The following BCHE variants were observed in gnomAD, a reference collection of about 807,000 sequenced individuals.
The protein encoded by BCHE is butyrylcholinesterase.
BCHE carries 48 observed loss-of-function variants against 51.3 expected under a neutral mutation model. The observed-to-expected ratio is 0.94, with a 90% CI of 0.74 to 1.19. The LOEUF is 1.19. Ranked by LOEUF, BCHE falls within the 50% of genes most tolerant of loss-of-function variation. The pLI is 0.00. For missense variants in BCHE, 847 were observed against 708.2 expected (o/e 1.20, Z -2.23); for synonymous variants, 251 against 238.0 (o/e 1.05, Z -0.50).
chr3:165,836,887 T>G (rs1460167256), intron 1 of BCHE, among the ~76,000 whole-genome samples: 1 of 152,072 alleles, frequency 6.6e-6, no homozygotes, highest in Non-Finnish European at 1.5e-5. Context: ...GTAAGTTAAC[T>G]ACTAACTTTA....
chr3:165,827,432 CTTATTAA>C (rs1714767735), intron 2 of BCHE, among the ~76,000 whole-genome samples: 1 of 150,732 alleles, frequency 6.6e-6, no homozygotes, highest in African/African-American at 2.4e-5. Context: ...ATTAAATAAC[CTTATTAA>C]TTAATTAATA....
chr3:165,801,662 T>C (rs1713653123), intron 2 of BCHE, among the ~76,000 whole-genome samples: 2 of 152,200 alleles, frequency 1.3e-5, no homozygotes, highest in African/African-American at 4.8e-5. Context: ...GAAGTATTCC[T>C]GCCAATAGTA....
At chr3:165,809,496 T>C (rs910892354) in intron 2 of BCHE, among the ~76,000 whole-genome samples, 12 of 152,196 alleles carry the variant, frequency 7.9e-5, no homozygotes, top group Admixed American at 2.0e-4. Context: ...AATGAGCAGA[T>C]TTTAAATTTT....
intron 2 of BCHE, among the ~76,000 whole-genome samples, chr3:165,826,517 G>A (rs1334142122): frequency 2.0e-5 from 3 of 151,960 alleles, no homozygotes; most frequent in East Asian, 1.9e-4. Flanking sequence ...AAGAGGTGGG[G>A]GGGGACTTTA....
chr3:165,806,018 G>A (rs974313056), intron 2 of BCHE, among the ~76,000 whole-genome samples: 2 of 151,930 alleles, frequency 1.3e-5, no homozygotes, highest in African/African-American at 4.8e-5. Context: ...CCTGGAACAC[G>A]ACCATGTGTC....
At chr3:165,832,352 G>C (rs1305683270) in intron 1 of BCHE, among the ~76,000 whole-genome samples, 1 of 152,112 alleles carries the variant, frequency 6.6e-6, no homozygotes, top group Non-Finnish European at 1.5e-5. Flanking sequence ...GAGTGCAGTG[G>C]TGTGATCTCG....
intron 2 of BCHE, among the ~76,000 whole-genome samples, chr3:165,800,447 T>C (rs1713594282): frequency 6.6e-6 from 1 of 152,122 alleles, no homozygotes; most frequent in Non-Finnish European, 1.5e-5. Context: ...TATGTCTTTA[T>C]TAATACCAAA....
chr3:165,773,895 T>C (rs1465869141), intron 3 of BCHE, among the ~76,000 whole-genome samples: 1 of 152,078 alleles, frequency 6.6e-6, no homozygotes, highest in African/African-American at 2.4e-5. Flanking sequence ...TTTACATATA[T>C]AGTTATATAA....
intron 2 of BCHE, among the ~76,000 whole-genome samples, chr3:165,801,290 C>T (rs548520524): frequency 2.6e-5 from 4 of 152,096 alleles, no homozygotes; most frequent in Non-Finnish European, 4.4e-5. Flanking sequence ...TAATGAAAAC[C>T]GCAAGGATAA....
At chr3:165,832,511 C>T (rs1297492469) in intron 1 of BCHE, among the ~76,000 whole-genome samples, 1 of 151,968 alleles carries the variant, frequency 6.6e-6, no homozygotes, top group Non-Finnish European at 1.5e-5. Flanking sequence ...AGGCTGGTCT[C>T]GAACTCCTGA....
chr3:165,793,368 A>C (rs1367192366), intron 2 of BCHE, among the ~76,000 whole-genome samples: 1 of 152,132 alleles, frequency 6.6e-6, no homozygotes. Context: ...TTGGGAACCA[A>C]ACTGAAGTAG....
intron 2 of BCHE, among the ~76,000 whole-genome samples, chr3:165,815,030 T>C (rs1272894852): frequency 6.7e-6 from 1 of 149,110 alleles, no homozygotes; most frequent in Admixed American, 6.7e-5. Context: ...CATACCAATA[T>C]ATGTTAGTAT....
At chr3:165,817,828 C>T (rs1714368457) in intron 2 of BCHE, among the ~76,000 whole-genome samples, 1 of 151,908 alleles carries the variant, frequency 6.6e-6, no homozygotes, top group Non-Finnish European at 1.5e-5. Context: ...CAGCAGTAAA[C>T]ACAACATAAA....
rs539237324 is a variant in BCHE, at chr3:165,797,188, C to T, written c.1518-10877G>A. Among the ~76,000 whole-genome samples, 44 of 106,938 alleles carry T rather than the reference C, an allele frequency of 4.1e-4. 1 individual carries two copies. The highest frequency in any genetic ancestry group is 7.4e-4 in the Non-Finnish European group (38 of 51,498). 70.2% of individuals were successfully genotyped at this position (106,938 alleles called of 152,430 possible). A position where few individuals can be genotyped will look rare whatever the true frequency, so the allele number is the denominator to read the frequency against. ...CCCTCCCTTCCTTCCTTCCCTCCTTCGTTCTTCCCTCCCTTCCTTCCTTCC... is the reference window on the plus strand; with the variant it reads ...CCCTCCCTTCCTTCCTTCCCTCCTTTGTTCTTCCCTCCCTTCCTTCCTTCC... On this transcript the variant is annotated intron_variant, in intron 2 of 3. Transcript: ENST00000264381.
chr3:165,826,414 A>G (rs1455474748), intron 2 of BCHE, among the ~76,000 whole-genome samples: 4 of 152,156 alleles, frequency 2.6e-5, no homozygotes, highest in Non-Finnish European at 5.9e-5. Flanking sequence ...CTATGATACC[A>G]TGAATATAAA....
Position 165,773,255 on chromosome 3 carries a change from A to G in BCHE, c.*127T>C, listed in dbSNP as rs1036597352. 13 of 839,660 alleles carry G rather than the reference A, an allele frequency of 1.5e-5. No individual in the cohort carries two copies. The highest frequency in any genetic ancestry group is 2.4e-5 in the Non-Finnish European group (13 of 543,104). The allele number at this position is 839,660 out of a possible 1,614,324, so 52.0% of individuals were successfully genotyped here. On this transcript the variant is annotated 3_prime_UTR_variant, in exon 4 of 4. Coordinates refer to ENST00000264381, the MANE Select transcript of BCHE (RefSeq NM_000055.4). ...TACTAAGTTAAAGATGTGAGGAATC[A>G]ATATTATCCTTCTGGCATTTTTGTT...
intron 2 of BCHE, among the ~76,000 whole-genome samples, chr3:165,794,408 T>C (rs1031941328): frequency 2.0e-5 from 3 of 152,116 alleles, no homozygotes; most frequent in Non-Finnish European, 4.4e-5. Flanking sequence ...ATATCATACA[T>C]TGGATAGCTT....
At chr3:165,774,622 A>G (rs2668204) in intron 3 of BCHE, among the ~76,000 whole-genome samples, 138,907 of 152,186 alleles carry the variant, frequency 0.91, 63,907 homozygotes, top group Non-Finnish European at 0.97. Context: ...ATAGTCATGA[A>G]CCACCATCCC....
At chr3:165,789,753 C>T (rs948747131) in intron 2 of BCHE, among the ~76,000 whole-genome samples, 4 of 151,854 alleles carry the variant, frequency 2.6e-5, no homozygotes, top group African/African-American at 9.7e-5. Flanking sequence ...TTCCATGTCA[C>T]TTAAATGATA....
Sources: allele counts gnomAD v4.1 joint callset (sites outside exome capture counted in the v4.1 genomes callset), GRCh38; gene constraint gnomAD v4.1.1; transcripts MANE v1.5; gene names NCBI Gene and HGNC (gene_info 2026-07-23, HGNC 2026-07-21).